Variants in STS observed in about 807,000 individuals in gnomAD.
The protein encoded by STS is steroid sulfatase, also known as steryl-sulfatase.
Under a neutral mutation model 26.8 loss-of-function variants are expected in STS, and 7 were observed. The ratio of observed to expected loss-of-function variants is 0.26; its 90% confidence interval spans 0.15 to 0.49. The LOEUF is 0.49. STS is among the 20% of genes least tolerant of loss of function. The probability of loss-of-function intolerance (pLI) is 0.98; values close to 1 mark genes in which losing one functional copy is unlikely to be tolerated. For synonymous variants in STS, 199 were observed against 189.4 expected (o/e 1.05, Z -0.42); for missense variants, 434 against 465.6 (o/e 0.93, Z 0.63).
intron 2 of STS, among the ~76,000 whole-genome samples, chrX:7,233,346 G>A (rs370478701): frequency 3.6e-5 from 4 of 110,573 alleles, no homozygotes; most frequent in Admixed American, 1.9e-4. Flanking sequence ...TGCCTGCCTC[G>A]ACCTCACAAA....
At chrX:7,235,910 T>C (rs772401716) in intron 2 of STS, among the ~76,000 whole-genome samples, 2 of 112,422 alleles carry the variant, frequency 1.8e-5, no homozygotes, top group Non-Finnish European at 3.8e-5. Context: ...GTTTTATACA[T>C]AACCTTTAGA....
At chrX:7,222,363 G>A (rs1380460770) in intron 2 of STS, among the ~76,000 whole-genome samples, 1 of 110,284 alleles carries the variant, frequency 9.1e-6, no homozygotes, top group Non-Finnish European at 1.9e-5. Flanking sequence ...TGCCATAACT[G>A]TCTGTCTGCA....
chrX:7,276,966 C>T (rs892774471), intron 7 of STS, among the ~76,000 whole-genome samples: 14 of 111,794 alleles, frequency 1.3e-4, no homozygotes, highest in African/African-American at 4.2e-4. Context: ...GCTCAGAGAT[C>T]CCAGGATGGG....
At chrX:7,320,365 G>C (rs1479655919) in intron 8 of STS, among the ~76,000 whole-genome samples, 1 of 108,933 alleles carries the variant, frequency 9.2e-6, no homozygotes, top group East Asian at 2.8e-4. Context: ...CTCTGTTTCA[G>C]AATCAATACA....
At chrX:7,153,863 TCTTC>T (rs1299701431) in intron 1 of STS, among the ~76,000 whole-genome samples, 3 of 103,243 alleles carry the variant, frequency 2.9e-5, no homozygotes, top group Non-Finnish European at 6.0e-5. Context: ...TCTTTTCCTG[TCTTC>T]CTTCCTTCCT....
At chrX:7,204,351 C>T (rs1934142492) in intron 2 of STS, among the ~76,000 whole-genome samples, 2 of 111,496 alleles carry the variant, frequency 1.8e-5, no homozygotes, top group Middle Eastern at 9.3e-3. Flanking sequence ...CTTTGATTTC[C>T]TGGTGAGGTT....
At chrX:7,295,035 T>C (rs1256914820) in intron 7 of STS, among the ~76,000 whole-genome samples, 1 of 111,998 alleles carries the variant, frequency 8.9e-6, no homozygotes, top group African/African-American at 3.2e-5. Flanking sequence ...GTGTTTTGGG[T>C]AATGCTTTTT....
intron 6 of STS, among the ~76,000 whole-genome samples, chrX:7,273,426 A>G (rs1438146225): frequency 2.7e-5 from 3 of 111,136 alleles, no homozygotes; most frequent in Non-Finnish European, 5.7e-5. Flanking sequence ...AATAGGACCA[A>G]TTTTTCCTCA....
At chrX:7,264,868 A>G (rs1208830697) in intron 6 of STS, among the ~76,000 whole-genome samples, 5 of 111,513 alleles carry the variant, frequency 4.5e-5, no homozygotes, top group African/African-American at 1.6e-4. Flanking sequence ...AGGTGATCTC[A>G]TGTAAAAGCT....
chrX:7,217,091 A>G (rs1170964810), intron 2 of STS, among the ~76,000 whole-genome samples: 1 of 110,797 alleles, frequency 9.0e-6, no homozygotes, highest in Non-Finnish European at 1.9e-5. Flanking sequence ...GAAAACTACT[A>G]AGAGGAAACA....
At chrX:7,348,799 T>G (rs1928638084) in intron 10 of STS, among the ~76,000 whole-genome samples, 1 of 111,946 alleles carries the variant, frequency 8.9e-6, no homozygotes, top group Admixed American at 9.5e-5. Flanking sequence ...ATACGTTGCA[T>G]GCCATTATAT....
At chrX:7,222,103 G>A (rs1921593869) in intron 2 of STS, among the ~76,000 whole-genome samples, 1 of 111,476 alleles carries the variant, frequency 9.0e-6, no homozygotes, top group Non-Finnish European at 1.9e-5. Context: ...TATGAACCAG[G>A]AAGCAAGTCC....
chrX:7,321,928 G>T (rs1467943095), intron 8 of STS, among the ~76,000 whole-genome samples: 1 of 111,950 alleles, frequency 8.9e-6, no homozygotes, highest in Non-Finnish European at 1.9e-5. Flanking sequence ...GCCCTGGCCT[G>T]TCTGAGCCCT....
intron 2 of STS, among the ~76,000 whole-genome samples, chrX:7,206,192 G>C (rs1207283070): frequency 8.9e-6 from 1 of 111,759 alleles, no homozygotes; most frequent in African/African-American, 3.3e-5. Context: ...TATTGCTTTG[G>C]TAATCTCTTG....
intron 8 of STS, among the ~76,000 whole-genome samples, chrX:7,323,668 G>T (rs1374925567): frequency 9.0e-6 from 1 of 111,731 alleles, no homozygotes; most frequent in Non-Finnish European, 1.9e-5. Context: ...TGTGAATAGT[G>T]CAGCAATGAA....
intron 8 of STS, among the ~76,000 whole-genome samples, chrX:7,323,224 T>C (rs139714769): frequency 9.0e-6 from 1 of 110,759 alleles, no homozygotes; most frequent in Admixed American, 9.6e-5. Flanking sequence ...CAAAACAACA[T>C]GTTTTTTTTT....
intron 8 of STS, among the ~76,000 whole-genome samples, chrX:7,318,214 A>T (rs781330420): frequency 7.2e-5 from 8 of 111,857 alleles, no homozygotes; most frequent in Non-Finnish European, 1.5e-4. Flanking sequence ...TGAATGAATG[A>T]AGCATCCCGT....
At position 7,259,746 on chromosome X, in the gene STS, G is replaced by A. The variant is rs746907721; in HGVS notation, c.780G>A (p.Thr260=). 4 of 1,209,174 alleles carry A rather than the reference G, an allele frequency of 3.3e-6. No individual in the cohort carries two copies. The highest frequency in any genetic ancestry group is 2.2e-6 in the Non-Finnish European group (2 of 895,145). The change falls in exon 6 of 11, where the codon ACG becomes ACA. Residue 260 remains threonine, a synonymous_variant. Coordinates refer to ENST00000674429, the MANE Select transcript of STS (RefSeq NM_001320752.2). ...MSYDNLTQRL[T]VEAAQFIQRN... ...ATGACAATCTCACCCAGAGGCTAAC[G>A]GTGGAGGCGGCCCAGTTCATACAGC...
chrX:7,327,272 A>G (rs1293029227), intron 9 of STS, among the ~76,000 whole-genome samples: 1 of 110,982 alleles, frequency 9.0e-6, no homozygotes, highest in African/African-American at 3.3e-5. Context: ...ACCTCCTGAA[A>G]GGGTCCCAGA....
Sources: gnomAD v4.1 joint callset for allele counts (sites outside exome capture counted in the v4.1 genomes callset) on GRCh38, gnomAD v4.1.1 for gene constraint, MANE v1.5 for transcripts, NCBI Gene and HGNC (gene_info 2026-07-23, HGNC 2026-07-21) for gene names.